Variants in MAPK8 observed in about 807,000 individuals in gnomAD.
MAPK8 encodes the protein JUN N-terminal kinase.
A neutral mutation model predicts 52.9 loss-of-function variants in MAPK8; 13 were observed. The ratio of observed to expected loss-of-function variants is 0.25; its 90% CI spans 0.16 to 0.39. MAPK8 has a LOEUF of 0.39. Among genes scored for constraint, MAPK8 ranks in the 10% least tolerant of loss-of-function variants. MAPK8 has a pLI of 1.00. For synonymous variants in MAPK8, 191 were observed against 169.8 expected (o/e 1.12, Z -0.97); for missense variants, 300 against 519.2 (o/e 0.58, Z 4.10).
intron 5 of MAPK8, among the ~76,000 whole-genome samples, chr10:48,419,145 C>T (rs945313768): frequency 1.3e-5 from 2 of 152,104 alleles, no homozygotes; most frequent in Non-Finnish European, 2.9e-5. Context: ...TAAACCCATC[C>T]ATGATTGCCT....
chr10:48,313,579 C>G (rs923879905), intron 1 of MAPK8, among the ~76,000 whole-genome samples: 1 of 152,228 alleles, frequency 6.6e-6, no homozygotes, highest in African/African-American at 2.4e-5. Context: ...TACGTTTGTA[C>G]TAAACTTATT....
intron 7 of MAPK8, chr10:48,425,104 C>A: frequency 1.4e-6 from 1 of 701,990 alleles, no homozygotes; most frequent in Non-Finnish European, 2.6e-6. Flanking sequence ...TTTGTTCATC[C>A]CACTACTTTT....
chr10:48,327,558 C>T (rs1208382842), intron 1 of MAPK8, among the ~76,000 whole-genome samples: 2 of 152,106 alleles, frequency 1.3e-5, no homozygotes, highest in Admixed American at 1.3e-4. Context: ...TTCTTACCAT[C>T]TCTTTGTTTT....
intron 1 of MAPK8, among the ~76,000 whole-genome samples, chr10:48,315,724 C>T (rs1842436386): frequency 6.6e-6 from 1 of 150,586 alleles, no homozygotes; most frequent in Admixed American, 6.6e-5. Flanking sequence ...AATAAGCCCC[C>T]TGTAGAATAT....
chr10:48,402,892 A>G (rs962503133), intron 2 of MAPK8, among the ~76,000 whole-genome samples: 1 of 152,182 alleles, frequency 6.6e-6, no homozygotes, highest in African/African-American at 2.4e-5. Flanking sequence ...AATACTATAT[A>G]ACATTTTAAA....
chr10:48,423,811 C>T (rs2043507709), intron 6 of MAPK8, among the ~76,000 whole-genome samples: 1 of 152,134 alleles, frequency 6.6e-6, no homozygotes, highest in Non-Finnish European at 1.5e-5. Context: ...TTCTCAGGGA[C>T]AAACATGCAG....
In MAPK8 at chr10:48,420,223, C is replaced by T. The variant is rs779292705; in HGVS notation, c.519C>T (p.Ala173=). The T allele has an allele frequency of 3.1e-6, 5 of 1,613,808 alleles. No homozygotes were observed. In the East Asian group the frequency reaches 1.1e-4, roughly 36 times the overall value. Residue 173 remains alanine, a synonymous_variant, in exon 6 of 12, where the codon GCC becomes GCT. Transcript: ENST00000374189. ...TGAAGATTCTTGACTTCGGTCTGGC[C>T]AGGACTGCAGGAACGAGTTTTATGA... The part of the protein sequence containing the change: ...CTLKILDFGL[A]RTAGTSFMMT...
chr10:48,382,755 T>G (rs1002981006), intron 1 of MAPK8, among the ~76,000 whole-genome samples: 3 of 147,740 alleles, frequency 2.0e-5, no homozygotes, highest in East Asian at 3.9e-4. Flanking sequence ...AAAAAATATT[T>G]TATATATTTT....
intron 1 of MAPK8, among the ~76,000 whole-genome samples, chr10:48,366,529 T>A (rs77795406): frequency 0.023 from 3,427 of 152,286 alleles, 141 homozygotes; most frequent in African/African-American, 0.078. Flanking sequence ...ACTCCTAAGT[T>A]AGGTTATAAC....
At chr10:48,425,000 T>A (rs1053888142) in intron 7 of MAPK8, among the ~76,000 whole-genome samples, 3 of 152,132 alleles carry the variant, frequency 2.0e-5, no homozygotes, top group African/African-American at 7.2e-5. Context: ...CTTTTGATTG[T>A]TGTCTCATTA....
chr10:48,307,521 C>T (rs1033778551), intron 1 of MAPK8, among the ~76,000 whole-genome samples: 6 of 152,106 alleles, frequency 3.9e-5, no homozygotes, highest in African/African-American at 1.2e-4. Context: ...TTCACCCCAC[C>T]CTCCCATCTC....
chr10:48,324,685 T>G (rs976837027), intron 1 of MAPK8, among the ~76,000 whole-genome samples: 1 of 5,870 alleles, frequency 1.7e-4, no homozygotes, highest in Non-Finnish European at 2.8e-4. Context: ...TTATATTTAG[T>G]TTTTTTTTGG....
intron 9 of MAPK8, 77 bp from the exon 10 acceptor site, chr10:48,427,003 G>C (rs905362596): frequency 2.0e-6 from 2 of 1,002,340 alleles, no homozygotes; most frequent in African/African-American, 3.2e-5. Flanking sequence ...CATCTGTGTG[G>C]CTAATATTTC....
intron 1 of MAPK8, among the ~76,000 whole-genome samples, chr10:48,358,792 G>A (rs1461642564): frequency 2.0e-5 from 3 of 152,100 alleles, no homozygotes; most frequent in Admixed American, 1.3e-4. Context: ...TTTGAACATG[G>A]TATAGGTAAC....
chr10:48,424,647 G>A (rs1023515880), intron 7 of MAPK8: 20 of 1,073,414 alleles, frequency 1.9e-5, no homozygotes, highest in Non-Finnish European at 2.6e-5. Flanking sequence ...TAGCACTTCA[G>A]TTTGGTCAGG....
intron 1 of MAPK8, among the ~76,000 whole-genome samples, chr10:48,330,552 C>T (rs1448611951): frequency 6.6e-6 from 1 of 152,154 alleles, no homozygotes; most frequent in African/African-American, 2.4e-5. Flanking sequence ...AACACATTCA[C>T]CCGTCCAAAC....
Position 48,412,751 on chromosome 10 carries a change from G to A in MAPK8, c.450+2583G>A, listed in dbSNP as rs572251186. On this transcript the variant is annotated intron_variant, in intron 5 of 11. Transcript: ENST00000374189. ...GAGCCAAAGACTAGTTAAAATGCTG[G>A]AAATATTTCCCAATGTTTTTTCCCC... Among the ~76,000 whole-genome samples the A allele has an allele frequency of 3.3e-5, 5 of 152,222 alleles. No individual in the cohort carries two copies. In the South Asian group the frequency reaches 1.0e-3, roughly 32 times the overall value.
chr10:48,362,423 A>G (rs191581735), intron 1 of MAPK8, among the ~76,000 whole-genome samples: 10 of 151,840 alleles, frequency 6.6e-5, no homozygotes, highest in African/African-American at 2.2e-4. Flanking sequence ...TAGTTTCTCT[A>G]TTTCTTGGGA....
At chr10:48,311,050 G>T (rs2132063281) in intron 1 of MAPK8, among the ~76,000 whole-genome samples, 1 of 152,034 alleles carries the variant, frequency 6.6e-6, no homozygotes, top group South Asian at 2.1e-4. Context: ...TAACATATTT[G>T]GGCCTGTTTT....
Sources: allele counts gnomAD v4.1 joint callset (sites outside exome capture counted in the v4.1 genomes callset), GRCh38; gene constraint gnomAD v4.1.1; transcripts MANE v1.5; gene names NCBI Gene and HGNC (gene_info 2026-07-23, HGNC 2026-07-21).